WASHC2C: variants seen among roughly 807,000 people sequenced by gnomAD.
WASHC2C encodes WASH complex subunit 2C.
WASHC2C carries 73 observed loss-of-function variants against 142.2 expected under a neutral mutation model. The observed-to-expected ratio is 0.51, with a 90% confidence interval of 0.43 to 0.62. The LOEUF (loss-of-function observed/expected upper bound fraction) is 0.62, where lower values mean the gene tolerates loss of function less well. WASHC2C is among the 20% of genes least tolerant of loss of function. The pLI is 0.00. For missense variants in WASHC2C, 969 were observed against 1,531.7 expected (o/e 0.63, Z 6.13); for synonymous variants, 337 against 565.5 (o/e 0.60, Z 5.73).
At chr10:45,746,487 C>T (rs2052849672) in intron 7 of WASHC2C, 113 bp from the exon 8 acceptor site, 1 of 1,272,130 alleles carries the variant, frequency 7.9e-7, no homozygotes, top group East Asian at 2.3e-5. Context: ...AGTGTCAGAG[C>T]TTTTTCTCCA....
chr10:45,782,301 AAGAC>A (rs2135615378), intron 23 of WASHC2C, among the ~76,000 whole-genome samples: 1 of 152,048 alleles, frequency 6.6e-6, no homozygotes, highest in South Asian at 2.1e-4. Flanking sequence ...AAAAATAGGT[AAGAC>A]AGACATCTGA....
chr10:45,756,741 A>G (rs2054349377), intron 15 of WASHC2C, among the ~76,000 whole-genome samples: 1 of 152,184 alleles, frequency 6.6e-6, no homozygotes, highest in African/African-American at 2.4e-5. Flanking sequence ...AGCCAGTCCA[A>G]GCTACTCTAA....
intron 8 of WASHC2C, among the ~76,000 whole-genome samples, chr10:45,747,009 G>A: frequency 6.6e-6 from 1 of 152,134 alleles, no homozygotes; most frequent in African/African-American, 2.4e-5. Context: ...TTCACAAGAT[G>A]AAAACTTCTT....
chr10:45,770,022 C>T (rs1188154109), intron 20 of WASHC2C, among the ~76,000 whole-genome samples: 3 of 151,092 alleles, frequency 2.0e-5, no homozygotes, highest in African/African-American at 7.4e-5. Flanking sequence ...GGGCAGATCA[C>T]GATGTCAGGA....
chr10:45,762,767 G>A (rs1411480794), intron 17 of WASHC2C, among the ~76,000 whole-genome samples: 18 of 152,058 alleles, frequency 1.2e-4, no homozygotes, highest in Admixed American at 3.3e-4. Flanking sequence ...TTAGCCGGGC[G>A]TGGTGGCAGG....
intron 28 of WASHC2C, among the ~76,000 whole-genome samples, chr10:45,787,595 A>G (rs1554890859): frequency 6.7e-6 from 1 of 150,290 alleles, no homozygotes; most frequent in African/African-American, 2.4e-5. Context: ...TCACTACTCC[A>G]AGGAGAGCAT....
At position 45,786,611 on chromosome 10, in the gene WASHC2C, G is replaced by C. The variant is rs1554890181; in HGVS notation, c.2812-1G>C. On this transcript the variant is annotated splice_acceptor_variant, in intron 26 of 30. Transcript: ENST00000623400. LOFTEE classifies it high-confidence loss of function. ...TTTTAACTGGATGTAATCTTACACA[G>C]GACTCATCAGGTCTCGCTCCATTTA... is the stretch of plus-strand genomic sequence containing the variant. 6.2e-7 allele frequency: 1 copy of C among 1,611,246 alleles called. No homozygotes were observed. The highest frequency in any genetic ancestry group is 1.1e-5 in the South Asian group (1 of 90,978).
At chr10:45,737,768 ATT>A (rs782072881) in intron 3 of WASHC2C, among the ~76,000 whole-genome samples, 97 of 135,662 alleles carry the variant, frequency 7.2e-4, no homozygotes, top group Admixed American at 9.0e-4. Flanking sequence ...TTGTATTTAA[ATT>A]TTTTTTTTTT....
chr10:45,766,697 T>TC, intron 19 of WASHC2C, among the ~76,000 whole-genome samples: 1 of 147,706 alleles, frequency 6.8e-6, no homozygotes, highest in Non-Finnish European at 1.5e-5. Context: ...GTTTGTGATC[T>TC]GGATAGATAC....
chr10:45,762,672 G>A (rs190136497), intron 17 of WASHC2C, among the ~76,000 whole-genome samples: 7,505 of 152,258 alleles, frequency 0.049, 191 homozygotes, highest in African/African-American at 0.089. Flanking sequence ...TGGGGAAGCC[G>A]AGGCGGGCGG....
At chr10:45,738,128 G>A in intron 4 of WASHC2C, 83 bp downstream of exon 4, 9 of 1,595,862 alleles carry the variant, frequency 5.6e-6, no homozygotes, top group Non-Finnish European at 7.7e-6. Context: ...GGAACTGGGG[G>A]ATGGTGGGTG....
At chr10:45,784,289 T>TATATACACACAC (rs1333007505) in intron 23 of WASHC2C, among the ~76,000 whole-genome samples, 4 of 17,708 alleles carry the variant, frequency 2.3e-4, no homozygotes, top group African/African-American at 3.8e-4. Context: ...TATATATATA[T>TATATACACACAC]ACACATATAT....
chr10:45,747,299 C>T (rs2052954958), intron 8 of WASHC2C, among the ~76,000 whole-genome samples: 1 of 151,860 alleles, frequency 6.6e-6, no homozygotes, highest in African/African-American at 2.4e-5. Flanking sequence ...CACCACCATG[C>T]TCAGCCAATT....
Position 45,758,863 on chromosome 10 carries a change from T to G in WASHC2C, c.1549-452T>G, listed in dbSNP as rs542799902. ...GACCTGCATTTGGCCAGTGTGTGTG[T>G]CCCCAGCAGTCTTTAAGCCCTTCTG... On this transcript the variant is annotated intron_variant, in intron 16 of 30. Transcript: ENST00000623400. Among the ~76,000 whole-genome samples, 725 of 149,508 alleles carry G rather than the reference T, an allele frequency of 4.8e-3. 14 individuals carry two copies. The highest frequency in any genetic ancestry group is 0.017 in the African/African-American group (697 of 40,754).
chr10:45,777,441 T>C lies in WASHC2C; in HGVS notation c.2295+16T>C. 6.2e-7 allele frequency: 1 copy of C among 1,610,740 alleles called. No individual in the cohort carries two copies. The highest frequency in any genetic ancestry group is 1.1e-5 in the South Asian group (1 of 90,982). ...GTCAGAAAAGGTGGACTTTTTTTCT[T>C]GTATACTTGAATGCATTTGTCTCTC... On this transcript the variant is annotated intron_variant, in intron 22 of 30. Transcript: ENST00000623400.
intron 26 of WASHC2C, 137 bp downstream of exon 26, chr10:45,785,768 A>G: frequency 6.6e-7 from 1 of 1,513,042 alleles, no homozygotes; most frequent in Non-Finnish European, 9.0e-7. Flanking sequence ...CTTTGTCTTC[A>G]CTGCACTTCC....
chr10:45,745,448 G>C (rs2610454), intron 7 of WASHC2C, among the ~76,000 whole-genome samples: 5,911 of 143,076 alleles, frequency 0.041, 163 homozygotes, highest in African/African-American at 0.08. Flanking sequence ...TTCGTTATTG[G>C]AAAGGACACA....
chr10:45,758,172 A>G (rs1305025993), intron 16 of WASHC2C, among the ~76,000 whole-genome samples: 4 of 152,102 alleles, frequency 2.6e-5, no homozygotes, highest in Admixed American at 2.6e-4. Flanking sequence ...TGGCAAGAAT[A>G]CAAGCAGGCA....
intron 26 of WASHC2C, 163 bp from the exon 27 acceptor site, chr10:45,786,449 T>C: frequency 1.2e-6 from 1 of 841,716 alleles, no homozygotes; most frequent in Non-Finnish European, 2.0e-6. Flanking sequence ...CGTGAAGTAG[T>C]GCTAGTGAAA....
Sources: allele counts gnomAD v4.1 joint callset (sites outside exome capture counted in the v4.1 genomes callset), GRCh38; gene constraint gnomAD v4.1.1; transcripts MANE v1.5; gene names NCBI Gene and HGNC (gene_info 2026-07-23, HGNC 2026-07-21).